The following BCAS3 variants were observed in gnomAD, a reference collection of about 807,000 sequenced individuals.
The protein encoded by BCAS3 is BCAS3 microtubule associated cell migration factor, also known as BCAS4/BCAS3 fusion.
Under a neutral mutation model 116.1 loss-of-function variants are expected in BCAS3, and 53 were observed. The ratio of observed to expected loss-of-function variants is 0.46; its 90% CI spans 0.37 to 0.57. BCAS3 has a LOEUF of 0.57. Among genes scored for constraint, BCAS3 ranks in the 20% least tolerant of loss-of-function variants. BCAS3 has a pLI of 0.00. For missense variants in BCAS3, 917 were observed against 1,165.4 expected, an observed-to-expected ratio of 0.79 and a Z score of 3.10; for synonymous variants, 391 against 408.2, an observed-to-expected ratio of 0.96 and a Z score of 0.51.
chr17:61,245,677 A>G (rs147980831), intron 22 of BCAS3, among the ~76,000 whole-genome samples: 32 of 152,308 alleles, frequency 2.1e-4, no homozygotes, highest in Middle Eastern at 3.4e-3. Context: ...CCTGCCTAAC[A>G]TTCAAGTGGT....
rs1034098719 is a variant in BCAS3, at chr17:61,244,296, C to T, written c.2426-124031C>T. On this transcript the variant is annotated intron_variant, in intron 22 of 23. Transcript: ENST00000407086. The surrounding 1 kb of genome is among the most constrained non-coding windows in gnomAD (Gnocchi z 4.9). ...ATGCATTTGTATACACACATATATA[C>T]GCTATTGTTTGTAAAATGAAATCAC... is the stretch of plus-strand genomic sequence containing the variant. 4.6e-5 allele frequency among the ~76,000 whole-genome samples: 7 copies of T among 152,076 alleles called. No homozygotes were observed. Among genetic ancestry groups the T allele is most frequent in the East Asian group, 1.9e-4 (1 of 5,194 alleles).
rs1382206148 is a variant in BCAS3, at chr17:61,339,399, C to T, written c.2426-28928C>T. Among the ~76,000 whole-genome samples the T allele has an allele frequency of 2.6e-5, 4 of 152,198 alleles. No individual in the cohort carries two copies. Among genetic ancestry groups the T allele is most frequent in the Non-Finnish European group, 5.9e-5 (4 of 68,032 alleles). On this transcript the variant is annotated intron_variant, in intron 22 of 23. Transcript: ENST00000407086. This position sits in a 1 kb window ranked among gnomAD's most constrained non-coding sequence, Gnocchi z 4.4. ...AGCCGCCTAAAGGAGCTCAAACTAG[C>T]ATTTCCCTTGGCATTCTATTCCTTT...
Position 61,354,133 on chromosome 17 carries a change from G to T in BCAS3, c.2426-14194G>T, listed in dbSNP as rs1442542505. ...TTTGTTCACTGAGACCTTCACAGAA[G>T]GTCGCACAACCACCCTGGACGGTGA... is the stretch of plus-strand genomic sequence containing the variant. On this transcript the variant is annotated intron_variant, in intron 22 of 23. Transcript: ENST00000407086. The surrounding 1 kb of genome is among the most constrained non-coding windows in gnomAD (Gnocchi z 4.5). 1 of 152,160 alleles carries T rather than the reference G, an allele frequency of 6.6e-6. No individual in the cohort carries two copies. Among genetic ancestry groups the T allele is most frequent in the Non-Finnish European group, 1.5e-5 (1 of 68,046 alleles). 9.4% of individuals were successfully genotyped at this position (152,160 alleles called of 1,614,324 possible). A position where few individuals can be genotyped will look rare whatever the true frequency, so the allele number is the denominator to read the frequency against.
Position 61,338,888 on chromosome 17 carries a change from GAAAAAAAAA to G in BCAS3, c.2426-29419_2426-29411del, listed in dbSNP as rs57701817. On this transcript the variant is annotated intron_variant, in intron 22 of 23. Transcript: ENST00000407086. ...GAAGCCTATCTGGTGCCCTTACTGG[GAAAAAAAAA>G]AAAAAAAAAAAAAAAAAAAGCAGAA... Among the ~76,000 whole-genome samples the G allele has an allele frequency of 5.5e-3, 370 of 67,312 alleles. 2 individuals are homozygous for G. The highest frequency in any genetic ancestry group is 0.016 in the African/African-American group (349 of 21,658). The allele number at this position is 67,312 out of a possible 152,430, so 44.2% of individuals were successfully genotyped here.
chr17:61,193,826 A>G (rs966250454), intron 22 of BCAS3, among the ~76,000 whole-genome samples: 3 of 149,382 alleles, frequency 2.0e-5, no homozygotes, highest in Non-Finnish European at 4.4e-5. Flanking sequence ...TGCTTATAAA[A>G]AAAGTACAAG....
At chr17:61,155,968 C>T (rs1366628366) in intron 22 of BCAS3, among the ~76,000 whole-genome samples, 1 of 152,016 alleles carries the variant, frequency 6.6e-6, no homozygotes, top group Non-Finnish European at 1.5e-5. Flanking sequence ...TTTTTAAGCT[C>T]TAAGTTATAC....
chr17:60,679,643 T>C (rs2032682527), intron 2 of BCAS3, 103 bp downstream of exon 2: 2 of 931,626 alleles, frequency 2.1e-6, no homozygotes, highest in Non-Finnish European at 3.4e-6. Flanking sequence ...TAAAAATCTT[T>C]TAACTGTTGG....
Position 61,325,954 on chromosome 17 carries a change from C to T in BCAS3, c.2426-42373C>T, listed in dbSNP as rs1474537670. 6.6e-6 allele frequency among the ~76,000 whole-genome samples: 1 copy of T among 152,152 alleles called. No homozygotes were observed. Among genetic ancestry groups the T allele is most frequent in the African/African-American group, 2.4e-5 (1 of 41,442 alleles). The stretch of plus-strand genomic sequence containing the variant: ...ACTGCAGGGAAGCCTCGGCAGAGAA[C>T]AGAGTGAAAAATCGTGTTGTCATAC... On this transcript the variant is annotated intron_variant, in intron 22 of 23. Transcript: ENST00000407086. This position sits in a 1 kb window ranked among gnomAD's most constrained non-coding sequence, Gnocchi z 6.4.
In BCAS3 at chr17:61,122,145, T is replaced by C. The variant is rs1291988851; in HGVS notation, c.2425+37581T>C. The stretch of plus-strand genomic sequence containing the variant: ...CTGAAATAGGAAGAGTATTGAACAG[T>C]CTCCCTTCCCCCAGTTTTAATCACA... On this transcript the variant is annotated intron_variant, in intron 22 of 23. Coordinates refer to ENST00000407086, the MANE Select transcript of BCAS3 (RefSeq NM_017679.5). The surrounding 1 kb of genome is among the most constrained non-coding windows in gnomAD (Gnocchi z 4.6). Among the ~76,000 whole-genome samples, 1 of 152,184 alleles carries C rather than the reference T, an allele frequency of 6.6e-6. No individual in the cohort carries two copies. Among genetic ancestry groups the C allele is most frequent in the Non-Finnish European group, 1.5e-5 (1 of 68,024 alleles).
At position 61,241,422 on chromosome 17, in the gene BCAS3, A is replaced by G. The variant is rs958806703; in HGVS notation, c.2426-126905A>G. Reference sequence around the variant, plus strand: ...TCAAAGTAAATAAGCTTAATAAAATAATAGTTTGGGCCTGCGCAGTGGCTC... The same window carrying G: ...TCAAAGTAAATAAGCTTAATAAAATGATAGTTTGGGCCTGCGCAGTGGCTC... On this transcript the variant is annotated intron_variant, in intron 22 of 23. Transcript: ENST00000407086. This position sits in a 1 kb window ranked among gnomAD's most constrained non-coding sequence, Gnocchi z 4.6. 1.3e-5 allele frequency among the ~76,000 whole-genome samples: 2 copies of G among 151,924 alleles called. No homozygotes were observed. Among genetic ancestry groups the G allele is most frequent in the African/African-American group, 4.8e-5 (2 of 41,354 alleles).
At position 61,020,702 on chromosome 17, in the gene BCAS3, A is replaced by G. The variant is rs1030581178; in HGVS notation, c.1637+4801A>G. Among the ~76,000 whole-genome samples the G allele has an allele frequency of 2.8e-4, 43 of 152,354 alleles. No individual in the cohort carries two copies. The highest frequency in any genetic ancestry group is 1.0e-3 in the African/African-American group (43 of 41,594). On this transcript the variant is annotated intron_variant, in intron 16 of 23. Transcript: ENST00000407086. This position sits in a 1 kb window ranked among gnomAD's most constrained non-coding sequence, Gnocchi z 4.5. ...CAGCATTTCATAGATGTTTGGCATT[A>G]TCAAGTGAGTGATCAAGTTTTAAAA...
rs1351891528 is a variant in BCAS3, at chr17:61,012,675, A to C, written c.1487-3076A>C. Among the ~76,000 whole-genome samples the C allele has an allele frequency of 7.2e-5, 11 of 152,058 alleles. No homozygotes were observed. The highest frequency in any genetic ancestry group is 1.5e-5 in the Non-Finnish European group (1 of 67,950). On this transcript the variant is annotated intron_variant, in intron 15 of 23. Transcript: ENST00000407086. The surrounding 1 kb of genome is among the most constrained non-coding windows in gnomAD (Gnocchi z 4.5). ...GCTCTCTCAGATGTGCTGGTTTCAAATGGACTCTACAGCATAAACACAGGA... is the reference window on the plus strand; with the variant it reads ...GCTCTCTCAGATGTGCTGGTTTCAACTGGACTCTACAGCATAAACACAGGA...
intron 5 of BCAS3, among the ~76,000 whole-genome samples, chr17:60,738,840 C>G (rs938501874): frequency 6.6e-6 from 1 of 152,146 alleles, no homozygotes; most frequent in Non-Finnish European, 1.5e-5. Flanking sequence ...ACTGTAGCCT[C>G]GAACTCCTGG....
intron 7 of BCAS3, chr17:60,810,355 G>A: frequency 2.2e-6 from 1 of 448,804 alleles, no homozygotes; most frequent in South Asian, 1.8e-5. Flanking sequence ...CAGGGGCCTG[G>A]TTGTGGGGAT....
chr17:61,092,469 G>A (rs541670251), intron 22 of BCAS3, among the ~76,000 whole-genome samples: 3 of 152,126 alleles, frequency 2.0e-5, no homozygotes, highest in African/African-American at 7.2e-5. Flanking sequence ...CAAAATGACT[G>A]TACCATTTTG....
chr17:61,092,353 G>A (rs188126251), intron 22 of BCAS3, among the ~76,000 whole-genome samples: 24 of 151,706 alleles, frequency 1.6e-4, no homozygotes, highest in South Asian at 4.2e-4. Context: ...TCTGTCTCTC[G>A]TCAACATATG....
intron 22 of BCAS3, among the ~76,000 whole-genome samples, chr17:61,101,352 G>C (rs1039435020): frequency 1.3e-5 from 2 of 152,076 alleles, no homozygotes; most frequent in African/African-American, 2.4e-5. Flanking sequence ...ATCGTGATAG[G>C]CCAAGGTCAT....
At chr17:61,317,927 G>A (rs188722855) in intron 22 of BCAS3, among the ~76,000 whole-genome samples, 1 of 152,150 alleles carries the variant, frequency 6.6e-6, no homozygotes, top group Admixed American at 6.5e-5. Context: ...CCCTGGTGAG[G>A]TCTGTGGGTG....
Position 61,067,273 on chromosome 17 carries a change from G to GTGTGTGTATATA in BCAS3, c.2030-7646_2030-7645insGTGTGTATATAT, listed in dbSNP as rs1251223420. ...CATAACTTTATTTATGTGTGTATGT[G>GTGTGTGTATATA]TATATATATATATATATATATATAT... On this transcript the variant is annotated intron_variant, in intron 19 of 23. Coordinates refer to ENST00000407086, the MANE Select transcript of BCAS3 (RefSeq NM_017679.5). 8.0e-4 allele frequency among the ~76,000 whole-genome samples: 47 copies of GTGTGTGTATATA among 58,794 alleles called. 1 individual carries two copies. The highest frequency in any genetic ancestry group is 4.0e-3 in the African/African-American group (46 of 11,580). 38.6% of individuals were successfully genotyped at this position (58,794 alleles called of 152,430 possible).
Sources: allele counts gnomAD v4.1 joint callset (sites outside exome capture counted in the v4.1 genomes callset), GRCh38; gene constraint gnomAD v4.1.1; non-coding constraint Gnocchi (gnomAD v3.1); transcripts MANE v1.5; gene names NCBI Gene and HGNC (gene_info 2026-07-23, HGNC 2026-07-21).